The following PCBP3 variants were observed in gnomAD, a reference collection of about 807,000 sequenced individuals.
PCBP3 encodes the protein poly(rC)-binding protein 3.
In PCBP3, 25 loss-of-function variants were observed where a neutral mutation model predicts 52.7. That is an observed-to-expected ratio of 0.47 (90% CI 0.35 to 0.66). The LOEUF is 0.66. Among genes scored for constraint, PCBP3 ranks in the 30% least tolerant of loss-of-function variants. The pLI is 0.01. For synonymous variants in PCBP3, 162 were observed against 183.0 expected (o/e 0.89, Z 0.93); for missense variants, 391 against 490.3 (o/e 0.80, Z 1.91).
intron 12 of PCBP3, chr21:45,916,432 G>C (rs1243636466): frequency 6.6e-6 from 1 of 152,350 alleles, no homozygotes. Context: ...TGGCCTCACA[G>C]CCCTGGGGCT....
In PCBP3 at chr21:45,736,723, A is replaced by G. The variant is rs2085896412; in HGVS notation, c.-162+1294A>G. On this transcript the variant is annotated intron_variant, in intron 3 of 17. Coordinates refer to ENST00000681687, the MANE Select transcript of PCBP3 (RefSeq NM_001384156.1). This position sits in a 1 kb window ranked among gnomAD's most constrained non-coding sequence, Gnocchi z 4.6. ...TTCTTACTAACAAATTACTTGAACA[A>G]AGACTTTGTTTGTTCCTTCATTCGT... Among the ~76,000 whole-genome samples, 1 of 152,172 alleles carries G rather than the reference A, an allele frequency of 6.6e-6. No individual in the cohort carries two copies. The highest frequency in any genetic ancestry group is 2.4e-5 in the African/African-American group (1 of 41,426).
At chr21:45,862,919 G>C (rs1177701178) in intron 5 of PCBP3, among the ~76,000 whole-genome samples, 1 of 152,232 alleles carries the variant, frequency 6.6e-6, no homozygotes, top group East Asian at 1.9e-4. Flanking sequence ...CTCCTACTCT[G>C]TGGCAGAAGT....
rs532994956 is a variant in PCBP3, at chr21:45,770,371, G to A, written c.-126+14919G>A. Reference sequence around the variant, plus strand: ...AATTTTTAATCTCTTGTTTCATTGAGTTTTTCTTTTCCTTCTTGTCTCTGA... The same window carrying A: ...AATTTTTAATCTCTTGTTTCATTGAATTTTTCTTTTCCTTCTTGTCTCTGA... On this transcript the variant is annotated intron_variant, in intron 4 of 17. Coordinates refer to ENST00000681687, the MANE Select transcript of PCBP3 (RefSeq NM_001384156.1). Among the ~76,000 whole-genome samples the A allele has an allele frequency of 7.9e-5, 12 of 152,086 alleles. No individual in the cohort carries two copies. The South Asian group carries it at 2.5e-3, about 32-fold the overall frequency.
At chr21:45,884,815 C>T (rs1289077427) in intron 5 of PCBP3, among the ~76,000 whole-genome samples, 1 of 152,196 alleles carries the variant, frequency 6.6e-6, no homozygotes, top group Non-Finnish European at 1.5e-5. Context: ...AACATTTCAC[C>T]AGTTGGAGGG....
chr21:45,895,930 C>T (rs1441816655), intron 5 of PCBP3, among the ~76,000 whole-genome samples: 2 of 152,242 alleles, frequency 1.3e-5, no homozygotes, highest in Non-Finnish European at 2.9e-5. Flanking sequence ...GCTTCCGTGA[C>T]CCTGGGCAGA....
chr21:45,918,096 G>C, intron 13 of PCBP3: 6 of 218,870 alleles, frequency 2.7e-5, no homozygotes, highest in South Asian at 2.1e-4. Flanking sequence ...TGAAAACATA[G>C]GGTCCATCTA....
At chr21:45,910,058 GCCCA>G (rs2096336691) in intron 10 of PCBP3, among the ~76,000 whole-genome samples, 2 of 980 alleles carry the variant, frequency 2.0e-3, no homozygotes, top group African/African-American at 5.4e-3. Context: ...CCCCACCACT[GCCCA>G]GATACGGACC....
intron 1 of PCBP3, among the ~76,000 whole-genome samples, chr21:45,646,384 G>A (rs1176871368): frequency 2.6e-5 from 4 of 152,064 alleles, no homozygotes; most frequent in Non-Finnish European, 5.9e-5. Context: ...TGGGCATCAA[G>A]TAACAAATCA....
intron 5 of PCBP3, among the ~76,000 whole-genome samples, chr21:45,867,335 G>A (rs541121034): frequency 6.6e-6 from 1 of 152,328 alleles, no homozygotes; most frequent in African/African-American, 2.4e-5. Context: ...CAACCACCTA[G>A]AAATGAACGT....
At chr21:45,676,627 G>T (rs2081485302) in intron 2 of PCBP3, among the ~76,000 whole-genome samples, 1 of 152,100 alleles carries the variant, frequency 6.6e-6, no homozygotes, top group Non-Finnish European at 1.5e-5. Flanking sequence ...CTGCTCCACA[G>T]CCGACCATTC....
chr21:45,818,344 T>C (rs1265110914), intron 4 of PCBP3, among the ~76,000 whole-genome samples: 2 of 152,088 alleles, frequency 1.3e-5, no homozygotes, highest in African/African-American at 4.8e-5. Flanking sequence ...TCACGGATGG[T>C]CATAGTTTGC....
intron 2 of PCBP3, among the ~76,000 whole-genome samples, chr21:45,725,855 G>A (rs982366635): frequency 3.3e-5 from 5 of 151,296 alleles, no homozygotes; most frequent in Non-Finnish European, 1.5e-5. Context: ...GCAAAGACCT[G>A]ATGGAGGAAA....
intron 3 of PCBP3, chr21:45,752,719 TCA>T (rs2087637173): frequency 6.6e-6 from 1 of 152,044 alleles, no homozygotes; most frequent in Non-Finnish European, 1.5e-5. Context: ...AAAGGGCGGC[TCA>T]CACATGGTCA....
chr21:45,845,316 TGAAG>T (rs2093784314), intron 4 of PCBP3, among the ~76,000 whole-genome samples: 1 of 152,274 alleles, frequency 6.6e-6, no homozygotes, highest in Non-Finnish European at 1.5e-5. Context: ...AACCTTCTGG[TGAAG>T]CTGAAACCAT....
chr21:45,752,968 CAAAAAAAAAAAAA>C (rs5844247), intron 3 of PCBP3: 1 of 65,988 alleles, frequency 1.5e-5, no homozygotes, highest in Non-Finnish European at 2.8e-5. Flanking sequence ...CCTGTCTCTC[CAAAAAAAAAAAAA>C]AAAAAAAAAA....
intron 13 of PCBP3, among the ~76,000 whole-genome samples, chr21:45,925,476 A>G (rs1682783269): frequency 6.6e-6 from 1 of 152,274 alleles, no homozygotes; most frequent in Admixed American, 6.5e-5. Flanking sequence ...GATTGTGATC[A>G]AAGTAAAATT....
In PCBP3 at chr21:45,918,622, G is replaced by T. The variant is rs547941221; in HGVS notation, c.717+993G>T. The T allele has an allele frequency of 2.7e-5, 4 of 150,088 alleles. No homozygotes were observed. The South Asian group carries it at 8.7e-4, about 33-fold the overall frequency. The allele number at this position is 150,088 out of a possible 1,614,324, so 9.3% of individuals were successfully genotyped here. A position where few individuals can be genotyped will look rare whatever the true frequency, so the allele number is the denominator to read the frequency against. ...GAAGTTACCCTCAGATAAACCGTCG[G>T]TGTAATTCCAGTGCTGGGGGAAGAA... is the stretch of plus-strand genomic sequence containing the variant. On this transcript the variant is annotated intron_variant, in intron 13 of 17. Coordinates refer to ENST00000681687, the MANE Select transcript of PCBP3 (RefSeq NM_001384156.1).
Position 45,812,253 on chromosome 21 carries a change from G to A in PCBP3, c.-125-37708G>A, listed in dbSNP as rs2092704330. Reference sequence around the variant, plus strand: ...TTATTTTGCTAAGGTTAAAGACCATGGGCTATGACACAGCCTCGAGAGGTC... The same window carrying A: ...TTATTTTGCTAAGGTTAAAGACCATAGGCTATGACACAGCCTCGAGAGGTC... On this transcript the variant is annotated intron_variant, in intron 4 of 17. Coordinates refer to ENST00000681687, the MANE Select transcript of PCBP3 (RefSeq NM_001384156.1). 2.6e-5 allele frequency among the ~76,000 whole-genome samples: 4 copies of A among 152,266 alleles called. No homozygotes were observed. In the South Asian group the frequency reaches 8.3e-4, roughly 32 times the overall value.
At chr21:45,831,901 G>A (rs1462061859) in intron 4 of PCBP3, among the ~76,000 whole-genome samples, 2 of 152,106 alleles carry the variant, frequency 1.3e-5, no homozygotes, top group Admixed American at 6.6e-5. Context: ...AGTAGAGACA[G>A]GATTTCATAA....
Sources: allele counts gnomAD v4.1 joint callset (sites outside exome capture counted in the v4.1 genomes callset), GRCh38; gene constraint gnomAD v4.1.1; non-coding constraint Gnocchi (gnomAD v3.1); transcripts MANE v1.5; gene names NCBI Gene and HGNC (gene_info 2026-07-23, HGNC 2026-07-21).